The following IGSF21 variants were observed in gnomAD, a reference collection of about 807,000 sequenced individuals.
The protein encoded by IGSF21 is immunoglobulin superfamily member 21.
Under a neutral mutation model 46.8 loss-of-function variants are expected in IGSF21, and 28 were observed. That is an observed-to-expected ratio of 0.60 (90% CI 0.44 to 0.82). IGSF21 has a LOEUF of 0.82. Among genes scored for constraint, IGSF21 ranks in the 40% least tolerant of loss-of-function variants. The pLI is 0.00. For synonymous variants in IGSF21, 284 were observed against 273.6 expected (o/e 1.04, Z -0.38); for missense variants, 624 against 665.5 (o/e 0.94, Z 0.69).
intron 1 of IGSF21, among the ~76,000 whole-genome samples, chr1:18,218,518 C>T (rs1363561259): frequency 6.6e-6 from 1 of 152,114 alleles, no homozygotes; most frequent in African/African-American, 2.4e-5. Flanking sequence ...AATATAAAAC[C>T]TAGGCAGAAT....
chr1:18,205,142 A>G (rs755914989), intron 1 of IGSF21, among the ~76,000 whole-genome samples: 8 of 103,116 alleles, frequency 7.8e-5, no homozygotes, highest in Admixed American at 9.4e-5. Context: ...TAAGAAGGGG[A>G]GAGAGAGAGA....
intron 1 of IGSF21, among the ~76,000 whole-genome samples, chr1:18,162,253 T>G (rs566324402): frequency 6.6e-6 from 1 of 152,144 alleles, no homozygotes; most frequent in South Asian, 2.1e-4. Context: ...TTGCCATGTT[T>G]CCCAGGCTGG....
chr1:18,134,721 G>T (rs1004055492), intron 1 of IGSF21, among the ~76,000 whole-genome samples: 1 of 152,104 alleles, frequency 6.6e-6, no homozygotes, highest in Non-Finnish European at 1.5e-5. Flanking sequence ...GACCTCACAG[G>T]TACTGAAAAA....
intron 2 of IGSF21, among the ~76,000 whole-genome samples, chr1:18,261,192 C>T (rs2084943694): frequency 1.3e-5 from 2 of 152,222 alleles, no homozygotes; most frequent in Non-Finnish European, 2.9e-5. Context: ...CTTGCAGCAA[C>T]TAAATGAGAG....
intron 1 of IGSF21, among the ~76,000 whole-genome samples, chr1:18,182,207 C>T (rs2086864004): frequency 1.5e-5 from 2 of 130,394 alleles, no homozygotes; most frequent in South Asian, 5.2e-4. Flanking sequence ...GACAAGGTCT[C>T]ACTCTGTTGC....
intron 2 of IGSF21, among the ~76,000 whole-genome samples, chr1:18,253,862 C>T (rs2084865455): frequency 6.6e-6 from 1 of 152,134 alleles, no homozygotes; most frequent in African/African-American, 2.4e-5. Flanking sequence ...CTTTCTGAAA[C>T]AGCAGATTTT....
chr1:18,272,309 T>C (rs1362883344), intron 2 of IGSF21, among the ~76,000 whole-genome samples: 4 of 124,312 alleles, frequency 3.2e-5, no homozygotes, highest in Admixed American at 1.1e-4. Context: ...CAATTCAAGA[T>C]GAGATTGGGG....
In IGSF21 at chr1:18,285,249, G is replaced by A. The variant is rs543068082; in HGVS notation, c.184-6617G>A. ...CAGGGACATTGGTGAGGCAGCCGAA[G>A]TTGGAGACTTATTTGTTTTTCAAAT... On this transcript the variant is annotated intron_variant, in intron 2 of 9. Coordinates refer to ENST00000251296, the MANE Select transcript of IGSF21 (RefSeq NM_032880.5). Among the ~76,000 whole-genome samples, 4 of 151,428 alleles carry A rather than the reference G, an allele frequency of 2.6e-5. No individual in the cohort carries two copies. The East Asian group carries it at 5.9e-4, about 22-fold the overall frequency.
chr1:18,323,474 C>T lies in IGSF21; in HGVS notation c.306-11418C>T, dbSNP rs74058110. On this transcript the variant is annotated intron_variant, in intron 3 of 9. Coordinates refer to ENST00000251296, the MANE Select transcript of IGSF21 (RefSeq NM_032880.5). ...GAGAAAGATGTGGCTCAAACATGGC[C>T]CAGTGTGAGTCAAGAGTTGTCCCCT... Among the ~76,000 whole-genome samples, 1,021 of 152,268 alleles carry T rather than the reference C, an allele frequency of 6.7e-3. 17 individuals carry two copies. The highest frequency in any genetic ancestry group is 0.023 in the African/African-American group (955 of 41,546).
At chr1:18,193,191 G>A (rs60102951) in intron 1 of IGSF21, among the ~76,000 whole-genome samples, 1 of 152,106 alleles carries the variant, frequency 6.6e-6, no homozygotes, top group South Asian at 2.1e-4. Flanking sequence ...GGGGCCAGGG[G>A]TAGTAGGCAG....
intron 2 of IGSF21, among the ~76,000 whole-genome samples, chr1:18,256,685 C>A (rs72932940): frequency 1.4e-4 from 22 of 152,314 alleles, no homozygotes; most frequent in African/African-American, 5.3e-4. Context: ...CGGAGGTTCA[C>A]TGGGAAGGCT....
rs146698461 is a variant in IGSF21, at chr1:18,251,792, C to A, written c.183+23782C>A. ...AGAGCTAAGAGGCTCTCCTAGTCTT[C>A]CTGATGAGGGATGATGGTGGCCTGC... On this transcript the variant is annotated intron_variant, in intron 2 of 9. Coordinates refer to ENST00000251296, the MANE Select transcript of IGSF21 (RefSeq NM_032880.5). Among the ~76,000 whole-genome samples the A allele has an allele frequency of 1.5e-3, 224 of 152,194 alleles. 2 individuals are homozygous for A. Among genetic ancestry groups the A allele is most frequent in the African/African-American group, 4.6e-3 (189 of 41,534 alleles).
chr1:18,266,784 C>G (rs898308523), intron 2 of IGSF21, among the ~76,000 whole-genome samples: 1 of 152,176 alleles, frequency 6.6e-6, no homozygotes, highest in South Asian at 2.1e-4. Context: ...AAAATGGGAA[C>G]CCTTTTGCAA....
chr1:18,148,129 CTTTTTTTTT>C (rs58426436), intron 1 of IGSF21, among the ~76,000 whole-genome samples: 1 of 108,322 alleles, frequency 9.2e-6, no homozygotes, highest in African/African-American at 3.6e-5. Context: ...CAAGTATGTC[CTTTTTTTTT>C]TTTTTTTTTT....
intron 1 of IGSF21, among the ~76,000 whole-genome samples, chr1:18,183,138 A>T (rs1368170924): frequency 6.6e-6 from 1 of 152,208 alleles, no homozygotes; most frequent in African/African-American, 2.4e-5. Flanking sequence ...GAAGCCCCTG[A>T]GACAGGCAGC....
intron 3 of IGSF21, among the ~76,000 whole-genome samples, chr1:18,333,687 G>A (rs963018156): frequency 6.6e-6 from 1 of 152,144 alleles, no homozygotes; most frequent in African/African-American, 2.4e-5. Flanking sequence ...CAATATAGAA[G>A]GGAGGAAAGA....
In IGSF21 at chr1:18,121,824, G is replaced by A. The variant is rs144125624; in HGVS notation, c.70+13626G>A. The stretch of plus-strand genomic sequence containing the variant: ...GGCTCTCAATGTCCAAGTTGGCTGA[G>A]GTGATATTCCTTTACCCAGCCCCTG... On this transcript the variant is annotated intron_variant, in intron 1 of 9. Coordinates refer to ENST00000251296, the MANE Select transcript of IGSF21 (RefSeq NM_032880.5). Among the ~76,000 whole-genome samples the A allele has an allele frequency of 2.4e-3, 367 of 152,324 alleles. 1 individual carries two copies. Among genetic ancestry groups the A allele is most frequent in the Admixed American group, 3.3e-3 (50 of 15,308 alleles).
At chr1:18,180,451 G>A (rs575224215) in intron 1 of IGSF21, among the ~76,000 whole-genome samples, 1 of 152,290 alleles carries the variant, frequency 6.6e-6, no homozygotes, top group South Asian at 2.1e-4. Context: ...CTGAGGCCTG[G>A]ACATACAAAC....
At chr1:18,127,851 G>C (rs2124413646) in intron 1 of IGSF21, among the ~76,000 whole-genome samples, 1 of 152,306 alleles carries the variant, frequency 6.6e-6, no homozygotes, top group East Asian at 1.9e-4. Context: ...CGAGGTTATA[G>C]TGAGCCATAA....
Sources: gnomAD v4.1 joint callset for allele counts (sites outside exome capture counted in the v4.1 genomes callset) on GRCh38, gnomAD v4.1.1 for gene constraint, MANE v1.5 for transcripts, NCBI Gene and HGNC (gene_info 2026-07-23, HGNC 2026-07-21) for gene names.